The following AKR7A3 variants were observed in gnomAD, a reference collection of about 807,000 sequenced individuals.
AKR7A3 encodes AFB1 aldehyde reductase 2.
AKR7A3 carries 37 observed loss-of-function variants against 32.5 expected under a neutral mutation model. That is an observed-to-expected ratio of 1.14 (90% CI 0.88 to 1.50). The LOEUF (loss-of-function observed/expected upper bound fraction) is 1.50, where lower values mean the gene tolerates loss of function less well. Among genes scored for constraint, AKR7A3 ranks in the 40% most tolerant of loss-of-function variants. The pLI is 0.00. For synonymous variants in AKR7A3, 177 were observed against 188.4 expected (o/e 0.94, Z 0.50); for missense variants, 412 against 453.2 (o/e 0.91, Z 0.83).
At position 19,288,724 on chromosome 1, in the gene AKR7A3, G is replaced by A. The variant is rs1403778705; in HGVS notation, c.-15C>T. ...TGCCGGGACATGACGGCGGCAACGG[G>A]AGACTGTGACAGCCCAGGAGCCGCG... On this transcript the variant is annotated 5_prime_UTR_variant, in exon 1 of 7. Transcript: ENST00000361640. The A allele has an allele frequency of 1.4e-6, 2 of 1,478,024 alleles. No individual in the cohort carries two copies. The highest frequency in any genetic ancestry group is 1.8e-6 in the Non-Finnish European group (2 of 1,117,448). The allele number at this position is 1,478,024 out of a possible 1,614,324, so 91.6% of individuals were successfully genotyped here. A position where few individuals can be genotyped will look rare whatever the true frequency, so the allele number is the denominator to read the frequency against.
At chr1:19,284,175 CA>C in intron 5 of AKR7A3, 50 bp from the exon 6 acceptor site, 1 of 1,571,656 alleles carries the variant, frequency 6.4e-7, no homozygotes, top group Non-Finnish European at 8.6e-7. Context: ...TTGGGAGCCA[CA>C]ACCAAAGAGC....
chr1:19,285,407 T>A (rs2093727903), intron 3 of AKR7A3, among the ~76,000 whole-genome samples: 1 of 151,660 alleles, frequency 6.6e-6, no homozygotes. Context: ...GTATAAACAG[T>A]TATAATCAAG....
downstream of AKR7A3, among the ~76,000 whole-genome samples, chr1:19,282,155 G>A (rs539266519): frequency 6.6e-6 from 1 of 151,916 alleles, no homozygotes; most frequent in Non-Finnish European, 1.5e-5. Context: ...ATATCATCAG[G>A]GTATTTTGTC....
At chr1:19,285,770 G>A (rs1427562795) in intron 3 of AKR7A3, 118 bp downstream of exon 3, 1 of 1,299,722 alleles carries the variant, frequency 7.7e-7, no homozygotes, top group East Asian at 2.4e-5. Context: ...CCATCTGCAG[G>A]CTTTCAGCAG....
At chr1:19,287,920 A>C (rs751534413) in intron 1 of AKR7A3, among the ~76,000 whole-genome samples, 1 of 152,034 alleles carries the variant, frequency 6.6e-6, no homozygotes, top group Non-Finnish European at 1.5e-5. Flanking sequence ...CCCCTGAGGG[A>C]GCTGCCAAGG....
chr1:19,288,411 G>A (rs1231711660), intron 1 of AKR7A3, 85 bp downstream of exon 1: 2 of 1,490,406 alleles, frequency 1.3e-6, no homozygotes, highest in African/African-American at 1.4e-5. Flanking sequence ...GTGCTGCCCC[G>A]GGGCCAGGGA....
downstream of AKR7A3, among the ~76,000 whole-genome samples, chr1:19,279,173 A>G (rs2093715339): frequency 6.6e-6 from 1 of 151,818 alleles, no homozygotes. Flanking sequence ...CTATGTCCAG[A>G]CTGGTCTGGA....
rs142091873 is a variant in AKR7A3, at chr1:19,288,532, C to A, written c.178G>T (p.Gly60Cys). 3 of 1,611,014 alleles carry A rather than the reference C, an allele frequency of 1.9e-6. No individual in the cohort carries two copies. In the African/African-American group the frequency reaches 4.0e-5, roughly 22 times the overall value. Residue 60 changes from glycine (G) to cysteine (C), a missense_variant, in exon 1 of 7, where the codon GGC (glycine) becomes TGC (cysteine). Gly to Cys is a radical substitution (Grantham distance 159). Transcript: ENST00000361640. ...CTGCCGCCCAGCCGGAGCCCCAGGC[C>A]GCCAAGGATGGTCTCGGACTGGCCC... Reference protein sequence around the residue: ...SEGQSETILGGLGLRLGGSDC... With the variant: ...SEGQSETILGCLGLRLGGSDC...
chr1:19,274,867 T>C, the AKR7A3 span, among the ~76,000 whole-genome samples: 1 of 102,636 alleles, frequency 9.7e-6, no homozygotes. Flanking sequence ...CACTCCGCCC[T>C]GGGTGACAGA....
Position 19,286,079 on chromosome 1 carries a change from T to G in AKR7A3, c.403-87A>C, listed in dbSNP as rs150844296. ...GTGGGGCCCCTGGGAGTTGGGCTGT[T>G]CCCTGCTCCACCCTGGAACAGCCCT... is the stretch of plus-strand genomic sequence containing the variant. On this transcript the variant is annotated intron_variant, in intron 2 of 6. Transcript: ENST00000361640. 3 of 1,591,024 alleles carry G rather than the reference T, an allele frequency of 1.9e-6. No homozygotes were observed. In the Admixed American group the frequency reaches 5.3e-5, roughly 28 times the overall value.
chr1:19,287,543 C>A (rs1569659476), intron 1 of AKR7A3, among the ~76,000 whole-genome samples: 1 of 151,934 alleles, frequency 6.6e-6, no homozygotes, highest in African/African-American at 2.4e-5. Flanking sequence ...TATGTGCCTG[C>A]CAGGCATCGG....
downstream of AKR7A3, among the ~76,000 whole-genome samples, chr1:19,279,444 C>T (rs2093715729): frequency 6.6e-6 from 1 of 151,794 alleles, no homozygotes; most frequent in African/African-American, 2.4e-5. Flanking sequence ...GCTATATACC[C>T]ACAAGTGGAA....
intron 1 of AKR7A3, 123 bp from the exon 2 acceptor site, chr1:19,286,495 CA>C: frequency 1.0e-6 from 1 of 969,262 alleles, no homozygotes; most frequent in Non-Finnish European, 1.6e-6. Flanking sequence ...GCTGGACCAA[CA>C]TGGTGAAACC....
chr1:19,287,861 C>A (rs956358813), intron 1 of AKR7A3, among the ~76,000 whole-genome samples: 1 of 152,170 alleles, frequency 6.6e-6, no homozygotes, highest in Admixed American at 6.6e-5. Flanking sequence ...TCCGACAGAG[C>A]CTCCCACAGA....
chr1:19,288,589 T>C lies in AKR7A3; in HGVS notation c.121A>G (p.Thr41Ala). ...TACACGAAGGCCGTGTCTATCTCGG[T>C]GTGGCCGCGCTCCAGGAAGGCGCGC... is the stretch of plus-strand genomic sequence containing the variant. ...VTRAFLERGHTEIDTAFVYSE... is the reference protein window; with the variant it reads ...VTRAFLERGHAEIDTAFVYSE... Residue 41 changes from threonine to alanine, a missense_variant, in exon 1 of 7, where the codon ACC becomes GCC. Physicochemically the swap from Thr to Ala is moderately conservative, Grantham distance 58. Transcript: ENST00000361640. 6.2e-7 allele frequency: 1 copy of C among 1,603,340 alleles called. No individual in the cohort carries two copies. The highest frequency in any genetic ancestry group is 1.1e-5 in the South Asian group (1 of 89,740).
At chr1:19,278,014 T>G (rs1212486504), downstream of AKR7A3, among the ~76,000 whole-genome samples, 2 of 151,996 alleles carry the variant, frequency 1.3e-5, no homozygotes, top group African/African-American at 4.9e-5. Flanking sequence ...CGTGTGCTTT[T>G]GGTGTCAATA....
At chr1:19,274,834 A>C in the AKR7A3 span, among the ~76,000 whole-genome samples, 1 of 139,832 alleles carries the variant, frequency 7.2e-6, no homozygotes, top group Non-Finnish European at 1.5e-5. Context: ...GCCCAGCTGC[A>C]GTGTGCTGTG....
rs1569655095 is a variant in AKR7A3 at position 19,285,919 on chromosome 1, C to A, written c.476G>T (p.Ser159Ile). 1.2e-6 allele frequency: 2 copies of A among 1,613,694 alleles called. No individual in the cohort carries two copies. Among genetic ancestry groups the A allele is most frequent in the African/African-American group, 1.3e-5 (1 of 74,752 alleles). The change falls in exon 3 of 7, where the codon AGC (serine) becomes ATC (isoleucine). Residue 159 changes from serine (S) to isoleucine (I), a missense_variant. By Grantham distance (142) the Ser-to-Ile change is moderately radical. Transcript: ENST00000361640. Reference sequence around the variant, plus strand: ...CACAGTGGGCAGGATCCAGCCGTTGCTCTTGCAGAGGGTACAGATCTCGGC... The same window carrying A: ...CACAGTGGGCAGGATCCAGCCGTTGATCTTGCAGAGGGTACAGATCTCGGC... The part of the protein sequence containing the change: ...EVAEICTLCK[S>I]NGWILPTVYQ...
At chr1:19,279,955 G>A (rs1302748659), downstream of AKR7A3, among the ~76,000 whole-genome samples, 2 of 151,156 alleles carry the variant, frequency 1.3e-5, no homozygotes, top group East Asian at 1.9e-4. Context: ...ATCAGCCATC[G>A]TTAGTGTGAG....
Sources: allele counts gnomAD v4.1 joint callset (sites outside exome capture counted in the v4.1 genomes callset), GRCh38; gene constraint gnomAD v4.1.1; transcripts MANE v1.5; gene names NCBI Gene and HGNC (gene_info 2026-07-23, HGNC 2026-07-21).